Variants in SQSTM1 observed in about 807,000 individuals in gnomAD.
SQSTM1 encodes the protein sequestosome 1.
SQSTM1 carries 36 observed loss-of-function variants against 45.1 expected under a neutral mutation model. The ratio of observed to expected loss-of-function variants is 0.80; its 90% confidence interval spans 0.61 to 1.05. The LOEUF (loss-of-function observed/expected upper bound fraction) is 1.05. Among genes scored for constraint, SQSTM1 ranks in the 50% least tolerant of loss-of-function variants. SQSTM1 has a pLI of 0.00. For synonymous variants in SQSTM1, 290 were observed against 244.3 expected, an observed-to-expected ratio of 1.19 and a Z score of -1.74; for missense variants, 617 against 607.1, an observed-to-expected ratio of 1.02 and a Z score of -0.17.
Position 179,822,957 on chromosome 5 carries a change from G to C in SQSTM1, c.206-1G>C, listed in dbSNP as rs751113097. On this transcript the variant is annotated splice_acceptor_variant, in intron 1 of 7. Transcript: ENST00000389805. LOFTEE classifies it high-confidence loss of function. ...CACGTGCTGTCTTTTAAACAATCTA[G>C]ATGAGGACGGGGACTTGGTTGCCTT... 6.2e-7 allele frequency: 1 copy of C among 1,614,074 alleles called. No homozygotes were observed. The highest frequency in any genetic ancestry group is 1.1e-5 in the South Asian group (1 of 91,084).
At chr5:179,832,417 C>G (rs1056655401) in intron 5 of SQSTM1, among the ~76,000 whole-genome samples, 2 of 152,242 alleles carry the variant, frequency 1.3e-5, no homozygotes, top group Non-Finnish European at 2.9e-5. Context: ...TTGGGCCCTA[C>G]GCAGCGCCTG....
chr5:179,811,440 T>A (rs1482199475), intron 1 of SQSTM1: 1 of 148,522 alleles, frequency 6.7e-6, no homozygotes, highest in East Asian at 2.0e-4. Flanking sequence ...GGTCTCATGT[T>A]CGGGGTGGAA....
chr5:179,818,438 C>T (rs1372018375), upstream of SQSTM1, among the ~76,000 whole-genome samples: 1 of 152,232 alleles, frequency 6.6e-6, no homozygotes, highest in Admixed American at 6.5e-5. Flanking sequence ...CTTGACTCCA[C>T]GCCCCAAAGA....
In SQSTM1 at chr5:179,837,945, C is replaced by T; in HGVS notation, c.*1352C>T. The T allele has an allele frequency of 6.6e-7, 1 of 1,518,704 alleles. No individual in the cohort carries two copies. The highest frequency in any genetic ancestry group is 1.8e-5 in the Admixed American group (1 of 55,306). 94.1% of individuals were successfully genotyped at this position (1,518,704 alleles called of 1,614,324 possible). A position where few individuals can be genotyped will look rare whatever the true frequency, so the allele number is the denominator to read the frequency against. On this transcript the variant is annotated 3_prime_UTR_variant, in exon 8 of 8. Transcript: ENST00000389805. ...AGAACAATGCCAGGGCCCAGGAGGA[C>T]CGCCTGCCCTGCCTGGGCCTTGGCT...
chr5:179,830,341 A>G (rs1195697870), intron 5 of SQSTM1, among the ~76,000 whole-genome samples: 4 of 152,212 alleles, frequency 2.6e-5, no homozygotes, highest in African/African-American at 9.6e-5. Flanking sequence ...ATGAACAGCT[A>G]GGAGACAATG....
intron 1 of SQSTM1, among the ~76,000 whole-genome samples, chr5:179,810,621 G>A (rs1458659225): frequency 6.6e-6 from 1 of 152,188 alleles, no homozygotes; most frequent in African/African-American, 2.4e-5. Flanking sequence ...AATCCTTTGG[G>A]TATATACCCA....
At chr5:179,834,693 G>T (rs927798460) in intron 7 of SQSTM1, among the ~76,000 whole-genome samples, 29 of 152,250 alleles carry the variant, frequency 1.9e-4, no homozygotes, top group Non-Finnish European at 3.8e-4. Context: ...AACCCTGAGT[G>T]GACACAGCAC....
intron 5 of SQSTM1, among the ~76,000 whole-genome samples, chr5:179,830,529 G>C (rs1758166081): frequency 6.6e-6 from 1 of 151,788 alleles, no homozygotes. Flanking sequence ...CTACAGGCAT[G>C]TGCCACTGTG....
At chr5:179,825,027 A>C in intron 4 of SQSTM1, 119 bp from the exon 5 acceptor site, 1 of 967,212 alleles carries the variant, frequency 1.0e-6, no homozygotes, top group South Asian at 1.3e-5. Context: ...GTCACTGGAC[A>C]AGATGTCCGG....
At chr5:179,835,588 A>AG (rs1424200331) in intron 7 of SQSTM1, 1 of 155,978 alleles carries the variant, frequency 6.4e-6, no homozygotes, top group Admixed American at 6.4e-5. Flanking sequence ...CGGCAGGCTG[A>AG]GGCAAGAGAA....
intron 2 of SQSTM1, chr5:179,812,328 G>T (rs1388247593): frequency 1.3e-5 from 2 of 152,278 alleles, no homozygotes; most frequent in African/African-American, 4.8e-5. Flanking sequence ...CTGCAGAAAG[G>T]CTGGGGTTCC....
chr5:179,820,626 C>G (rs1262731715), upstream of SQSTM1: 4 of 310,262 alleles, frequency 1.3e-5, no homozygotes, highest in Non-Finnish European at 2.4e-5. Flanking sequence ...ATCCCAGGTG[C>G]AGAGGCTGGA....
chr5:179,833,490 A>G (rs1164846536), intron 6 of SQSTM1, 97 bp from the exon 7 acceptor site: 3 of 1,328,508 alleles, frequency 2.3e-6, no homozygotes, highest in Non-Finnish European at 3.2e-6. Flanking sequence ...GCACGTGTGC[A>G]TGCGTGCTCC....
chr5:179,833,876 G>C (rs1395852043), intron 7 of SQSTM1, 94 bp downstream of exon 7: 1 of 1,404,670 alleles, frequency 7.1e-7, no homozygotes, highest in Non-Finnish European at 1.0e-6. Flanking sequence ...AGAAGGATGA[G>C]ATGTTCTCCA....
intron 7 of SQSTM1, among the ~76,000 whole-genome samples, chr5:179,834,073 A>G (rs1336780107): frequency 6.8e-6 from 1 of 148,084 alleles, no homozygotes; most frequent in Admixed American, 6.8e-5. Flanking sequence ...GAATTAAGGC[A>G]GGTGTGACAC....
upstream of SQSTM1, among the ~76,000 whole-genome samples, chr5:179,817,345 C>G (rs984453620): frequency 3.3e-5 from 5 of 152,222 alleles, no homozygotes; most frequent in South Asian, 2.1e-4. Flanking sequence ...CATCCCTCCC[C>G]CCTTTTCCCC....
At chr5:179,820,798 G>C (rs576610830), upstream of SQSTM1, 2,422 of 822,616 alleles carry the variant, frequency 2.9e-3, 26 homozygotes, top group African/African-American at 0.03. Context: ...CTCTCGCGCC[G>C]CGACGACGGT....
chr5:179,835,121 C>A, intron 7 of SQSTM1: 1 of 212,778 alleles, frequency 4.7e-6, no homozygotes, highest in Non-Finnish European at 9.7e-6. Context: ...TCCTCACATC[C>A]CAGACAGGGC....
intron 5 of SQSTM1, among the ~76,000 whole-genome samples, chr5:179,829,262 G>C (rs2113500856): frequency 6.6e-6 from 1 of 152,332 alleles, no homozygotes; most frequent in South Asian, 2.1e-4. Flanking sequence ...CCCTGGCCAG[G>C]CAGGAGGTGG....
Sources: gnomAD v4.1 joint callset for allele counts (sites outside exome capture counted in the v4.1 genomes callset) on GRCh38, gnomAD v4.1.1 for gene constraint, MANE v1.5 for transcripts, NCBI Gene and HGNC (gene_info 2026-07-23, HGNC 2026-07-21) for gene names.